DNAH7: variants seen among roughly 807,000 people sequenced by gnomAD.
The protein encoded by DNAH7 is dynein axonemal heavy chain 7, also known as axonemal beta dynein heavy chain 7.
In DNAH7, 397 loss-of-function variants were observed where a neutral mutation model predicts 444.6. The ratio of observed to expected loss-of-function variants is 0.89; its 90% CI spans 0.82 to 0.97. DNAH7 has a LOEUF of 0.97. DNAH7 is among the 50% of genes least tolerant of loss of function. DNAH7 has a pLI of 0.00. For missense variants in DNAH7, 4,902 were observed against 4,800.8 expected, an observed-to-expected ratio of 1.02 and a Z score of -0.62; for synonymous variants, 1,636 against 1,624.4, an observed-to-expected ratio of 1.01 and a Z score of -0.17.
chr2:195,886,150 A>C lies in DNAH7; in HGVS notation c.5529T>G (p.Ser1843=), dbSNP rs748001121. 4.3e-6 allele frequency: 7 copies of C among 1,612,770 alleles called. No individual in the cohort carries two copies. Among genetic ancestry groups the C allele is most frequent in the Admixed American group, 3.3e-5 (2 of 59,814 alleles). ...LKERNDRETY[S]LLEGIFLFSL... ...AGGCAACGGACCTTACCTCAAGCAA[A>C]GAGTAAGTTTCTCGATCATTTCTCT... Residue 1843 remains serine, a synonymous_variant, in exon 34 of 65, where the codon TCT becomes TCG. Coordinates refer to ENST00000312428, the MANE Select transcript of DNAH7 (RefSeq NM_018897.3).
In DNAH7 at chr2:195,858,054, TCCC is replaced by T. The variant is rs965052405; in HGVS notation, c.8068-334_8068-332del. ...ATAAAACACATTATTATTTTATGTA[TCCC>T]CCCAAAAAAAATCACTGGCAAAATT... On this transcript the variant is annotated intron_variant, in intron 43 of 64. Coordinates refer to ENST00000312428, the MANE Select transcript of DNAH7 (RefSeq NM_018897.3). Among the ~76,000 whole-genome samples, 8 of 151,858 alleles carry T rather than the reference TCCC, an allele frequency of 5.3e-5. No homozygotes were observed. In the Middle Eastern group the frequency reaches 0.01, roughly 194 times the overall value.
intron 17 of DNAH7, 119 bp downstream of exon 17, chr2:195,969,829 T>C: frequency 1.0e-6 from 1 of 983,956 alleles, no homozygotes; most frequent in Non-Finnish European, 1.5e-6. Context: ...TCTATTATCC[T>C]CTAATTAAAT....
At chr2:195,939,324 G>T (rs1689266229) in intron 19 of DNAH7, among the ~76,000 whole-genome samples, 1 of 152,028 alleles carries the variant, frequency 6.6e-6, no homozygotes, top group Non-Finnish European at 1.5e-5. Flanking sequence ...TTCAAGAAAG[G>T]TATTTATCAT....
chr2:195,997,886 T>C (rs1287904443), intron 12 of DNAH7, among the ~76,000 whole-genome samples: 1 of 152,192 alleles, frequency 6.6e-6, no homozygotes, highest in Non-Finnish European at 1.5e-5. Context: ...TCCATCTTTA[T>C]GAATCTGTAT....
At chr2:195,739,980 TTTTTG>T (rs540362174) in intron 64 of DNAH7, among the ~76,000 whole-genome samples, 25 of 152,112 alleles carry the variant, frequency 1.6e-4, no homozygotes, top group African/African-American at 5.3e-4. Context: ...CAGTGCTGTT[TTTTTG>T]TTTTGTTTTG....
intron 21 of DNAH7, among the ~76,000 whole-genome samples, chr2:195,931,267 G>A (rs1688676129): frequency 1.3e-5 from 2 of 151,882 alleles, no homozygotes; most frequent in South Asian, 2.1e-4. Context: ...ACTTGTTGAT[G>A]GGGTTGTTGT....
At chr2:195,870,372 G>A (rs1343790560) in intron 40 of DNAH7, among the ~76,000 whole-genome samples, 2 of 152,080 alleles carry the variant, frequency 1.3e-5, no homozygotes, top group Non-Finnish European at 2.9e-5. Flanking sequence ...GGGTATTTCA[G>A]CAAAAATCTG....
At chr2:195,957,079 T>C (rs1559270846) in intron 19 of DNAH7, among the ~76,000 whole-genome samples, 182 bp downstream of exon 19, 1 of 152,138 alleles carries the variant, frequency 6.6e-6, no homozygotes. Flanking sequence ...CAGGACAAAA[T>C]ACCTACTTTT....
Position 196,047,383 on chromosome 2 carries a change from T to C in DNAH7, c.367A>G (p.Asn123Asp), listed in dbSNP as rs371989363. The C allele has an allele frequency of 3.8e-6, 6 of 1,598,564 alleles. 1 individual carries two copies. In the African/African-American group the frequency reaches 6.7e-5, roughly 18 times the overall value. The change falls in exon 5 of 65, where the codon AAC (asparagine) becomes GAC (aspartate). Residue 123 changes from asparagine (N) to aspartate (D), a missense_variant. Transcript: ENST00000312428. The stretch of plus-strand genomic sequence containing the variant: ...ACATTAACAAGAGTACTTCTAAAGT[T>C]TTCTCGTTCTTTATGTGGAGATTTG... ...KGKSPHKERE[N>D]FRSTLVNVIM...
intron 15 of DNAH7, among the ~76,000 whole-genome samples, chr2:195,981,140 T>A (rs1313002468): frequency 6.6e-6 from 1 of 152,184 alleles, no homozygotes; most frequent in Non-Finnish European, 1.5e-5. Context: ...TTCGGTAAAG[T>A]TGCAGGATAC....
chr2:195,942,261 G>T (rs72917225), intron 19 of DNAH7, among the ~76,000 whole-genome samples: 1 of 152,000 alleles, frequency 6.6e-6, no homozygotes, highest in Non-Finnish European at 1.5e-5. Context: ...CATTAACACC[G>T]CAGATATTTA....
chr2:195,992,110 T>C (rs1693378590), intron 12 of DNAH7, among the ~76,000 whole-genome samples: 1 of 152,162 alleles, frequency 6.6e-6, no homozygotes. Flanking sequence ...CTGGCAAAGA[T>C]AATTACACAA....
Position 196,048,324 on chromosome 2 carries a change from T to C in DNAH7, c.222A>G (p.Pro74=). Residue 74 remains proline (P), a synonymous_variant, in exon 4 of 65, where the codon CCA becomes CCG. Coordinates refer to ENST00000312428, the MANE Select transcript of DNAH7 (RefSeq NM_018897.3). ...GGGACTGTTCATTTTTAACACTAAA[T>C]GGTTCTGGACTCTCATCATCCTGCT... is the stretch of plus-strand genomic sequence containing the variant. The part of the protein sequence containing the change: ...SVKQDDESPE[P]FSVKNEQSHA... 1.2e-6 allele frequency: 2 copies of C among 1,613,772 alleles called. No individual in the cohort carries two copies. Among genetic ancestry groups the C allele is most frequent in the Non-Finnish European group, 1.7e-6 (2 of 1,179,788 alleles).
chr2:196,068,615 G>A, intron 1 of DNAH7, 82 bp downstream of exon 1: 1 of 1,536,266 alleles, frequency 6.5e-7, no homozygotes, highest in South Asian at 1.2e-5. Context: ...GAGTTCGCTA[G>A]GCAGGAGGGG....
intron 2 of DNAH7, among the ~76,000 whole-genome samples, chr2:196,052,958 G>C (rs1697570939): frequency 6.6e-6 from 1 of 152,194 alleles, no homozygotes; most frequent in Admixed American, 6.5e-5. Context: ...CTAAGTCATA[G>C]GACTACAGAC....
rs150739355 is a variant in DNAH7 at position 195,906,410 on chromosome 2, A to AACACACACACAC, written c.4335+237_4335+248dup. ...TTCTTTCTTTTCACATACACACAGAAACACACACACACACACACACTTTTA... is the reference window on the plus strand; with the variant it reads ...TTCTTTCTTTTCACATACACACAGAAACACACACACACACACACACACACACACACACTTTTA... On this transcript the variant is annotated intron_variant, in intron 27 of 64. Coordinates refer to ENST00000312428, the MANE Select transcript of DNAH7 (RefSeq NM_018897.3). Among the ~76,000 whole-genome samples, 1,219 of 139,832 alleles carry AACACACACACAC rather than the reference A, an allele frequency of 8.7e-3. 20 individuals are homozygous for AACACACACACAC. Among genetic ancestry groups the AACACACACACAC allele is most frequent in the African/African-American group, 0.03 (1,072 of 35,356 alleles). The allele number at this position is 139,832 out of a possible 152,430, so 91.7% of individuals were successfully genotyped here.
chr2:195,813,978 A>G (rs1167628250), intron 51 of DNAH7, among the ~76,000 whole-genome samples: 1 of 152,222 alleles, frequency 6.6e-6, no homozygotes, highest in East Asian at 1.9e-4. Context: ...GATTTTATTT[A>G]TATGAAGTTC....
intron 9 of DNAH7, among the ~76,000 whole-genome samples, chr2:196,017,717 G>A (rs1053300256): frequency 4.6e-5 from 7 of 152,086 alleles, no homozygotes; most frequent in Non-Finnish European, 1.5e-5. Context: ...AGGTAAGATT[G>A]TTTAAGAAAT....
At chr2:196,063,613 A>G (rs372175384) in intron 1 of DNAH7, 1 of 152,286 alleles carries the variant, frequency 6.6e-6, no homozygotes, top group South Asian at 2.1e-4. Flanking sequence ...CAACTGAGCA[A>G]GGTTCTCCTC....
Sources: allele counts gnomAD v4.1 joint callset (sites outside exome capture counted in the v4.1 genomes callset), GRCh38; gene constraint gnomAD v4.1.1; transcripts MANE v1.5; gene names NCBI Gene and HGNC (gene_info 2026-07-23, HGNC 2026-07-21).